The following SAP18 variants were observed in gnomAD, a reference collection of about 807,000 sequenced individuals.
The protein encoded by SAP18 is Sin3A associated protein 18.
SAP18 carries 4 observed loss-of-function variants against 18.6 expected under a neutral mutation model. The observed-to-expected ratio is 0.21, with a 90% CI of 0.11 to 0.49. The LOEUF (loss-of-function observed/expected upper bound fraction) is 0.49, where lower values mean the gene tolerates loss of function less well. SAP18 is among the 20% of genes least tolerant of loss of function. SAP18 has a pLI of 0.98. For synonymous variants in SAP18, 112 were observed against 82.8 expected (o/e 1.35, Z -1.92); for missense variants, 170 against 226.4 (o/e 0.75, Z 1.60).
intron 2 of SAP18, 49 bp downstream of exon 2, chr13:21,141,044 A>G: frequency 1.7e-6 from 2 of 1,169,068 alleles, no homozygotes; most frequent in African/African-American, 1.5e-5. Flanking sequence ...AACCTGGAAC[A>G]ACAGTTAATT....
chr13:21,141,106 T>C (rs947531635), intron 2 of SAP18, 111 bp downstream of exon 2: 8 of 738,710 alleles, frequency 1.1e-5, no homozygotes, highest in African/African-American at 1.7e-5. Context: ...ATTTCTCCAC[T>C]TGGGGCCTTC....
upstream of SAP18, chr13:21,140,510 A>T (rs1869409237): frequency 6.5e-7 from 1 of 1,549,420 alleles, no homozygotes; most frequent in Non-Finnish European, 8.7e-7. Flanking sequence ...CCCCTGGCCG[A>T]CTATAAAGTG....
At chr13:21,144,405 C>CAAAAA (rs36115551) in intron 2 of SAP18, among the ~76,000 whole-genome samples, 1 of 64,634 alleles carries the variant, frequency 1.5e-5, no homozygotes, top group African/African-American at 6.5e-5. Flanking sequence ...GACTCCATCT[C>CAAAAA]AAAAAAAAAA....
At chr13:21,140,847 G>GT in intron 1 of SAP18, 39 bp from the exon 2 acceptor site, 1 of 1,592,956 alleles carries the variant, frequency 6.3e-7, no homozygotes, top group South Asian at 1.1e-5. Context: ...CGCAGCTGGT[G>GT]TTTTTAACTT....
At position 21,140,692 on chromosome 13, in the gene SAP18, C is replaced by A; in HGVS notation, c.129+11C>A. The A allele has an allele frequency of 5.6e-6, 9 of 1,608,952 alleles. No homozygotes were observed. Among genetic ancestry groups the A allele is most frequent in the Non-Finnish European group, 7.6e-6 (9 of 1,177,240 alleles). On this transcript the variant is annotated intron_variant, in intron 1 of 3. Transcript: ENST00000621421. ...ATCGACCGCGAGAAGGTGAAGGCCC[C>A]CTCCGCTTTGGGGTCCGGGAAGAGG...
rs1220207615 is a variant in SAP18, at chr13:21,140,696, C to T, written c.129+15C>T. 4 of 1,608,018 alleles carry T rather than the reference C, an allele frequency of 2.5e-6. No homozygotes were observed. Among genetic ancestry groups the T allele is most frequent in the East Asian group, 2.2e-5 (1 of 44,502 alleles). The stretch of plus-strand genomic sequence containing the variant: ...ACCGCGAGAAGGTGAAGGCCCCCTC[C>T]GCTTTGGGGTCCGGGAAGAGGTTGG... On this transcript the variant is annotated intron_variant, in intron 1 of 3. Transcript: ENST00000621421.
intron 3 of SAP18, 35 bp downstream of exon 3, chr13:21,146,962 CTT>C (rs769944513): frequency 6.3e-7 from 1 of 1,583,486 alleles, no homozygotes; most frequent in Non-Finnish European, 8.6e-7. Flanking sequence ...CCTGTAATCT[CTT>C]TGTTTTTAGT....
rs117246815 is a variant in SAP18, at chr13:21,142,660, T to C, written c.239+1665T>C. Among the ~76,000 whole-genome samples, 69 of 152,240 alleles carry C rather than the reference T, an allele frequency of 4.5e-4. No homozygotes were observed. In the East Asian group the frequency reaches 0.011, roughly 24 times the overall value. ...TTTCTAAGTGTACAATTTGGTGGCA[T>C]TAATAGCATTCAAATTGTTGTGCAA... is the stretch of plus-strand genomic sequence containing the variant. On this transcript the variant is annotated intron_variant, in intron 2 of 3. Transcript: ENST00000621421.
chr13:21,140,130 A>G (rs1490633481), upstream of SAP18, among the ~76,000 whole-genome samples: 1 of 152,122 alleles, frequency 6.6e-6, no homozygotes, highest in Non-Finnish European at 1.5e-5. Flanking sequence ...AGCCACCCGA[A>G]CTGTGTGTGG....
At chr13:21,146,978 T>G (rs972345067) in intron 3 of SAP18, 51 bp downstream of exon 3, 1 of 1,555,958 alleles carries the variant, frequency 6.4e-7, no homozygotes, top group Non-Finnish European at 8.7e-7. Context: ...TTTTAGTATG[T>G]TTTAACTGAT....
chr13:21,146,156 G>A (rs1869643491), intron 2 of SAP18, among the ~76,000 whole-genome samples: 1 of 152,170 alleles, frequency 6.6e-6, no homozygotes, highest in Non-Finnish European at 1.5e-5. Flanking sequence ...AGACCAGCAT[G>A]GCCAACATGG....
intron 1 of SAP18, 88 bp downstream of exon 1, chr13:21,140,769 A>G (rs183417048): frequency 3.8e-6 from 6 of 1,594,478 alleles, no homozygotes; most frequent in African/African-American, 2.7e-5. Flanking sequence ...GCTGGAGGAG[A>G]TGGTGTTTTT....
At chr13:21,144,010 G>A (rs1341242719) in intron 2 of SAP18, among the ~76,000 whole-genome samples, 4 of 152,198 alleles carry the variant, frequency 2.6e-5, no homozygotes, top group Non-Finnish European at 5.9e-5. Flanking sequence ...AGAAGTTATG[G>A]AAACAGGAGT....
intron 2 of SAP18, among the ~76,000 whole-genome samples, chr13:21,143,212 G>C (rs1869531515): frequency 1.3e-5 from 2 of 152,158 alleles, no homozygotes; most frequent in African/African-American, 2.4e-5. Flanking sequence ...GCTGCTTTCA[G>C]TTCTTTTGGG....
At chr13:21,142,554 T>G (rs1869507221) in intron 2 of SAP18, among the ~76,000 whole-genome samples, 1 of 151,992 alleles carries the variant, frequency 6.6e-6, no homozygotes, top group Admixed American at 6.5e-5. Context: ...CTCGAACTCC[T>G]GACCTCAAGT....
At chr13:21,148,425 CAG>C (rs1478415329) in exon 4 of SAP18, 2 of 151,942 alleles carry the variant, frequency 1.3e-5, no homozygotes, top group Non-Finnish European at 2.9e-5. Context: ...AACAGTACGA[CAG>C]TGTATTGTAA....
exon 2 of SAP18, chr13:21,140,969 G>T: frequency 6.3e-7 from 1 of 1,596,792 alleles, no homozygotes. Flanking sequence ...GAAATGTACC[G>T]TCCAGCGAGT....
At chr13:21,141,234 CA>C in intron 2 of SAP18, 1 of 554,488 alleles carries the variant, frequency 1.8e-6, no homozygotes, top group Admixed American at 3.1e-5. Context: ...TGGACAGACC[CA>C]AGATTGCTGT....
rs575819023 is a variant in SAP18 at position 21,140,834 on chromosome 13, G to C, written c.130-52G>C. On this transcript the variant is annotated intron_variant, in intron 1 of 3. Coordinates refer to ENST00000621421, the Ensembl canonical transcript of SAP18. ...CCTCGGGAAGAGAGATGAGCTCCGGGTTCGCAGCTGGTGTTTTTAACTTCT... is the reference window on the plus strand; with the variant it reads ...CCTCGGGAAGAGAGATGAGCTCCGGCTTCGCAGCTGGTGTTTTTAACTTCT... The C allele has an allele frequency of 2.6e-6, 4 of 1,567,206 alleles. No individual in the cohort carries two copies. The East Asian group carries it at 6.7e-5, about 26-fold the overall frequency.
Sources: gnomAD v4.1 joint callset for allele counts (sites outside exome capture counted in the v4.1 genomes callset) on GRCh38, gnomAD v4.1.1 for gene constraint, MANE v1.5 for transcripts, NCBI Gene and HGNC (gene_info 2026-07-23, HGNC 2026-07-21) for gene names.